The following KANSL3 variants were observed in gnomAD, a reference collection of about 807,000 sequenced individuals.
KANSL3 encodes KAT8 regulatory NSL complex subunit 3, also known as NSL complex protein NSL3.
In KANSL3, 16 loss-of-function variants were observed where a neutral mutation model predicts 89.2. The observed-to-expected ratio is 0.18, with a 90% CI of 0.12 to 0.27. The LOEUF (loss-of-function observed/expected upper bound fraction) is 0.27, where lower values mean the gene tolerates loss of function less well. Ranked by LOEUF, KANSL3 falls within the 10% of genes least tolerant of loss-of-function variation. KANSL3 has a pLI of 1.00. For missense variants in KANSL3, 879 were observed against 1,110.6 expected, an observed-to-expected ratio of 0.79 and a Z score of 2.96; for synonymous variants, 385 against 419.7, an observed-to-expected ratio of 0.92 and a Z score of 1.01.
rs1198045681 is a variant in KANSL3 at position 96,602,792 on chromosome 2, A to G, written c.2220T>C (p.Ser740=). The G allele has an allele frequency of 6.2e-7, 1 of 1,610,786 alleles. No individual in the cohort carries two copies. Among genetic ancestry groups the G allele is most frequent in the South Asian group, 1.1e-5 (1 of 90,610 alleles). ...FSLQDISSKT[S]GLPANPSPGP... ...CTGGGGAGGGATTTGCTGGAAGGCC[A>G]GAGGTCTTGCTGCTGATATCCTGCA... Residue 740 remains serine, a synonymous_variant, in exon 18 of 21, where the codon TCT becomes TCC. Coordinates refer to ENST00000431828, the MANE Select transcript of KANSL3 (RefSeq NM_001115016.3).
At chr2:96,615,984 T>C (rs1201649983) in intron 5 of KANSL3, among the ~76,000 whole-genome samples, 1 of 152,214 alleles carries the variant, frequency 6.6e-6, no homozygotes, top group African/African-American at 2.4e-5. Context: ...CATCTAAAGA[T>C]ACAGCATGTG....
At chr2:96,637,260 T>G (rs886660683) in intron 1 of KANSL3, 75 bp from the exon 2 acceptor site, 10 of 636,924 alleles carry the variant, frequency 1.6e-5, no homozygotes, top group African/African-American at 3.7e-5. Flanking sequence ...CTAACATGCT[T>G]ACTTTTGTAA....
At chr2:96,630,233 T>C (rs976345031) in intron 3 of KANSL3, among the ~76,000 whole-genome samples, 3 of 152,238 alleles carry the variant, frequency 2.0e-5, no homozygotes, top group African/African-American at 4.8e-5. Flanking sequence ...ATGTTCATAA[T>C]AGCATTATTC....
At position 96,637,469 on chromosome 2, in the gene KANSL3, A is replaced by T. The variant is rs371086857; in HGVS notation, c.-50-284T>A. ...CAAGGTTCAGAAAGACCTCGCGTGGACAGACAGTAAACTTGCTTGGCCAGC... is the reference window on the plus strand; with the variant it reads ...CAAGGTTCAGAAAGACCTCGCGTGGTCAGACAGTAAACTTGCTTGGCCAGC... On this transcript the variant is annotated intron_variant, in intron 1 of 20. Coordinates refer to ENST00000431828, the MANE Select transcript of KANSL3 (RefSeq NM_001115016.3). 5.9e-5 allele frequency among the ~76,000 whole-genome samples: 9 copies of T among 152,356 alleles called. No homozygotes were observed. In the East Asian group the frequency reaches 1.7e-3, roughly 29 times the overall value.
chr2:96,635,234 T>C (rs2074080325), intron 2 of KANSL3, among the ~76,000 whole-genome samples: 1 of 152,224 alleles, frequency 6.6e-6, no homozygotes, highest in Non-Finnish European at 1.5e-5. Context: ...TTACCACTCT[T>C]AGAATCAAAT....
At position 96,602,294 on chromosome 2, in the gene KANSL3, G is replaced by A. The variant is rs1432573414; in HGVS notation, c.2304C>T (p.Ala768=). ...KLPTPMQSLG[A]ITTGTSTIVR... ...CAATGGTGCTGGTGCCCGTGGTGAT[G>A]GCACCCAGGCTCTGCATGGGGGTGG... The change falls in exon 19 of 21, where the codon GCC becomes GCT. Residue 768 remains alanine (A), a synonymous_variant. Transcript: ENST00000431828. 1.2e-6 allele frequency: 2 copies of A among 1,612,232 alleles called. No homozygotes were observed. Among genetic ancestry groups the A allele is most frequent in the Non-Finnish European group, 1.7e-6 (2 of 1,179,320 alleles).
chr2:96,590,295 CT>C (rs973565553), downstream of KANSL3, among the ~76,000 whole-genome samples: 39 of 147,522 alleles, frequency 2.6e-4, no homozygotes, highest in African/African-American at 2.7e-4. Flanking sequence ...GTGGCAGTTT[CT>C]TTTTTTTTTT....
At chr2:96,625,958 C>G (rs1160450413) in intron 3 of KANSL3, among the ~76,000 whole-genome samples, 4 of 152,042 alleles carry the variant, frequency 2.6e-5, no homozygotes, top group Non-Finnish European at 4.4e-5. Flanking sequence ...ACTGGCACTC[C>G]CCACCCCGTG....
Position 96,601,694 on chromosome 2 carries a change from T to A in KANSL3, c.2565A>T (p.Gly855=). 2 of 1,613,312 alleles carry A rather than the reference T, an allele frequency of 1.2e-6. No individual in the cohort carries two copies. Among genetic ancestry groups the A allele is most frequent in the Non-Finnish European group, 1.7e-6 (2 of 1,179,580 alleles). ...RITTLSPMGS[G]AAPSEESSSQ... ...AAGAGGACTCCTCGGATGGGGCTGC[T>A]CCTGAGCCCATAGGGCTCAGTGTAG... Residue 855 remains glycine (G), a synonymous_variant, in exon 20 of 21, where the codon GGA becomes GGT. Coordinates refer to ENST00000431828, the MANE Select transcript of KANSL3 (RefSeq NM_001115016.3).
At chr2:96,607,878 C>T (rs1280570051) in intron 14 of KANSL3, among the ~76,000 whole-genome samples, 2 of 152,130 alleles carry the variant, frequency 1.3e-5, no homozygotes, top group Non-Finnish European at 2.9e-5. Flanking sequence ...GCCCAAGAGG[C>T]CTTACCTCAA....
At chr2:96,633,820 GC>G (rs1356954411) in intron 2 of KANSL3, among the ~76,000 whole-genome samples, 2 of 148,768 alleles carry the variant, frequency 1.3e-5, no homozygotes, top group Non-Finnish European at 3.0e-5. Flanking sequence ...AGCCAAGATT[GC>G]ACCACTGCAC....
rs748632437 is a variant in KANSL3, at chr2:96,612,501, G to A, written c.975C>T (p.Leu325=). The A allele has an allele frequency of 1.5e-5, 25 of 1,613,886 alleles. No individual in the cohort carries two copies. Among genetic ancestry groups the A allele is most frequent in the South Asian group, 1.4e-4 (13 of 91,080 alleles). The change falls in exon 8 of 21, where the codon CTC becomes CTT. Residue 325 remains leucine (L), a synonymous_variant. Transcript: ENST00000431828. ...NGSGVGVLQC[L]EHMIGAVRSK... is the part of the protein sequence containing the mutation. Reference sequence around the variant, plus strand: ...TTCTCACTGCCCCAATCATATGCTCGAGACACTGTAGAACTCCTACCCCAC... The same window carrying A: ...TTCTCACTGCCCCAATCATATGCTCAAGACACTGTAGAACTCCTACCCCAC...
At chr2:96,615,641 G>T (rs534365255) in intron 5 of KANSL3, 1 of 477,300 alleles carries the variant, frequency 2.1e-6, no homozygotes, top group Non-Finnish European at 3.6e-6. Flanking sequence ...ACGGTTTGAT[G>T]CAAGTTGTAA....
chr2:96,611,049 T>C lies in KANSL3; in HGVS notation c.1161+15A>G. The C allele has an allele frequency of 6.2e-7, 1 of 1,613,492 alleles. No individual in the cohort carries two copies. Among genetic ancestry groups the C allele is most frequent in the Non-Finnish European group, 8.5e-7 (1 of 1,179,432 alleles). On this transcript the variant is annotated intron_variant, in intron 10 of 20. Transcript: ENST00000431828. ...ACTGCCAATGACCCAGCACTCAGCT[T>C]TACCACATTCTTACCCCTCTGGGGC...
intron 5 of KANSL3, chr2:96,615,497 G>A (rs1294755915): frequency 1.6e-6 from 2 of 1,285,896 alleles, no homozygotes; most frequent in Admixed American, 2.3e-5. Flanking sequence ...CTTACACTGA[G>A]AAGAAATATC....
intron 2 of KANSL3, among the ~76,000 whole-genome samples, chr2:96,632,965 C>CAAAA: frequency 1.9e-5 from 1 of 51,600 alleles, no homozygotes; most frequent in Non-Finnish European, 3.9e-5. Context: ...GACTCCATCT[C>CAAAA]AAAAAAAAAA....
At chr2:96,586,241 A>T in the KANSL3 span, among the ~76,000 whole-genome samples, 3 of 152,048 alleles carry the variant, frequency 2.0e-5, no homozygotes, top group South Asian at 6.3e-4. Flanking sequence ...AAAAAAAAAA[A>T]AGATATAATT....
At chr2:96,583,603 T>C in the KANSL3 span, among the ~76,000 whole-genome samples, 10 of 152,354 alleles carry the variant, frequency 6.6e-5, no homozygotes, top group African/African-American at 2.4e-4. Context: ...TTCTTTTCAT[T>C]ACCAAATAGT....
chr2:96,612,467 G>A lies in KANSL3; in HGVS notation c.1009C>T (p.Leu337=). 6.2e-7 allele frequency: 1 copy of A among 1,613,414 alleles called. No homozygotes were observed. Among genetic ancestry groups the A allele is most frequent in the Non-Finnish European group, 8.5e-7 (1 of 1,179,386 alleles). ...TGAAATACGGGCATTCTCACCTCCAGCACTTTGCTTCTCACTGCCCCAATC... is the reference window on the plus strand; with the variant it reads ...TGAAATACGGGCATTCTCACCTCCAACACTTTGCTTCTCACTGCCCCAATC... The part of the protein sequence containing the change: ...HMIGAVRSKV[L]EIHSHFPHKP... The change falls in exon 8 of 21, where the codon CTG becomes TTG. Residue 337 remains leucine (L), a synonymous_variant. Transcript: ENST00000431828.
Sources: gnomAD v4.1 joint callset for allele counts (sites outside exome capture counted in the v4.1 genomes callset) on GRCh38, gnomAD v4.1.1 for gene constraint, MANE v1.5 for transcripts, NCBI Gene and HGNC (gene_info 2026-07-23, HGNC 2026-07-21) for gene names.